STRN3: variants seen among roughly 807,000 people sequenced by gnomAD.
STRN3 encodes the protein striatin-3.
Under a neutral mutation model 95.6 loss-of-function variants are expected in STRN3, and 29 were observed. That is an observed-to-expected ratio of 0.30 (90% CI 0.23 to 0.41). The LOEUF (loss-of-function observed/expected upper bound fraction) is 0.41, where lower values mean the gene tolerates loss of function less well. Among genes scored for constraint, STRN3 ranks in the 10% least tolerant of loss-of-function variants. The probability of loss-of-function intolerance (pLI) is 1.00; values close to 1 mark genes in which losing one functional copy is unlikely to be tolerated. For synonymous variants in STRN3, 331 were observed against 357.6 expected (o/e 0.93, Z 0.84); for missense variants, 890 against 972.1 (o/e 0.92, Z 1.12).
At chr14:30,926,460 T>C (rs1302019170) in intron 8 of STRN3, among the ~76,000 whole-genome samples, 1 of 152,008 alleles carries the variant, frequency 6.6e-6, no homozygotes, top group Non-Finnish European at 1.5e-5. Context: ...TGGATGAATA[T>C]GTGCCAAATA....
chr14:30,915,133 C>CA (rs1343669599), intron 9 of STRN3, among the ~76,000 whole-genome samples: 2 of 151,882 alleles, frequency 1.3e-5, no homozygotes, highest in African/African-American at 4.8e-5. Flanking sequence ...ACACATTATA[C>CA]AAAAAATCAA....
intron 1 of STRN3, among the ~76,000 whole-genome samples, chr14:31,002,470 CAAA>C (rs59491889): frequency 8.2e-4 from 67 of 81,604 alleles, no homozygotes; most frequent in South Asian, 1.3e-3. Context: ...GACTCTGTCT[CAAA>C]AAAAAAAAAA....
chr14:30,996,177 TTTTAAGCCAC>T (rs1242814414), intron 1 of STRN3, among the ~76,000 whole-genome samples: 1 of 152,204 alleles, frequency 6.6e-6, no homozygotes, highest in Non-Finnish European at 1.5e-5. Flanking sequence ...GGGAACTCAA[TTTTAAGCCAC>T]TGGTGACAGG....
rs531222908 is a variant in STRN3, at chr14:30,984,576, G to A, written c.283-28334C>T. On this transcript the variant is annotated intron_variant, in intron 1 of 17. Coordinates refer to ENST00000357479, the MANE Select transcript of STRN3 (RefSeq NM_001083893.2). Reference sequence around the variant, plus strand: ...GCGCAGATCACGAGGTCAAGAGATCGAGAACATCCTGGCCAACAGGATGAA... The same window carrying A: ...GCGCAGATCACGAGGTCAAGAGATCAAGAACATCCTGGCCAACAGGATGAA... Among the ~76,000 whole-genome samples, 13 of 152,010 alleles carry A rather than the reference G, an allele frequency of 8.6e-5. No individual in the cohort carries two copies. In the South Asian group the frequency reaches 2.1e-3, roughly 24 times the overall value.
intron 8 of STRN3, among the ~76,000 whole-genome samples, chr14:30,926,292 A>G (rs1897025820): frequency 6.6e-6 from 1 of 152,116 alleles, no homozygotes; most frequent in South Asian, 2.1e-4. Context: ...TTAGAAACAA[A>G]TCTATAGGTT....
intron 5 of STRN3, among the ~76,000 whole-genome samples, chr14:30,938,511 T>C (rs1878937086): frequency 6.6e-6 from 1 of 152,202 alleles, no homozygotes; most frequent in African/African-American, 2.4e-5. Flanking sequence ...TTTCTGTCTC[T>C]AAAGTAAGAG....
intron 1 of STRN3, among the ~76,000 whole-genome samples, chr14:30,961,455 A>G (rs549332807): frequency 7.2e-5 from 11 of 152,370 alleles, no homozygotes; most frequent in African/African-American, 2.2e-4. Context: ...GTGAAGTTGT[A>G]GAAGTCTAGA....
At chr14:30,919,974 C>T (rs1204512084) in intron 8 of STRN3, among the ~76,000 whole-genome samples, 2 of 151,968 alleles carry the variant, frequency 1.3e-5, no homozygotes, top group East Asian at 1.9e-4. Context: ...AAAGACAATG[C>T]TTTATAATCT....
intron 1 of STRN3, among the ~76,000 whole-genome samples, chr14:31,020,256 TGGGAGGCCAA>T (rs1391517052): frequency 6.6e-6 from 1 of 151,880 alleles, no homozygotes; most frequent in Non-Finnish European, 1.5e-5. Flanking sequence ...CCTAGCACTT[TGGGAGGCCAA>T]GGCAGGCGGA....
intron 1 of STRN3, among the ~76,000 whole-genome samples, chr14:31,002,470 C>CAA (rs59491889): frequency 5.3e-4 from 43 of 81,598 alleles, no homozygotes; most frequent in African/African-American, 1.4e-3. Flanking sequence ...GACTCTGTCT[C>CAA]AAAAAAAAAA....
chr14:30,929,962 A>AAAACAAAC (rs1485609445), intron 7 of STRN3, among the ~76,000 whole-genome samples: 1 of 147,138 alleles, frequency 6.8e-6, no homozygotes, highest in Non-Finnish European at 1.5e-5. Flanking sequence ...AGCAAAAAAA[A>AAAACAAAC]AAAAAAAAAA....
intron 1 of STRN3, among the ~76,000 whole-genome samples, chr14:31,005,132 G>C (rs192111080): frequency 1.1e-4 from 16 of 152,268 alleles, no homozygotes; most frequent in African/African-American, 3.6e-4. Context: ...AGGAGTTCGA[G>C]ACCAGCCTGG....
intron 1 of STRN3, among the ~76,000 whole-genome samples, chr14:30,987,284 G>A (rs1447921346): frequency 6.6e-6 from 1 of 152,176 alleles, no homozygotes; most frequent in Non-Finnish European, 1.5e-5. Flanking sequence ...GAGGCAGGCG[G>A]ATCACAGGGT....
intron 9 of STRN3, 132 bp from the exon 10 acceptor site, chr14:30,913,789 T>A (rs893392751): frequency 1.2e-4 from 134 of 1,136,118 alleles, no homozygotes; most frequent in Non-Finnish European, 1.5e-4. Flanking sequence ...CCACTTCTAC[T>A]CAAAAAATCC....
intron 1 of STRN3, among the ~76,000 whole-genome samples, chr14:30,972,808 TTAACTTGTAATGGAGTA>T (rs1161253314): frequency 6.6e-6 from 1 of 151,434 alleles, no homozygotes; most frequent in African/African-American, 2.4e-5. Flanking sequence ...CTATCTCTAT[TTAACTTGTAATGGAGTA>T]TAACTTGTAA....
intron 15 of STRN3, 22 bp from the exon 16 acceptor site, chr14:30,902,665 TAA>T (rs1566425844): frequency 8.9e-6 from 13 of 1,467,470 alleles, no homozygotes; most frequent in Non-Finnish European, 1.1e-5. Flanking sequence ...AGGAAGACAA[TAA>T]GTTAAAATTC....
At chr14:30,921,065 TACATATACACACACACAC>T (rs1896867720) in intron 8 of STRN3, among the ~76,000 whole-genome samples, 3 of 89,252 alleles carry the variant, frequency 3.4e-5, no homozygotes, top group South Asian at 3.8e-4. Flanking sequence ...TTTCTACACA[TACATATACACACACACAC>T]ACACACACAC....
chr14:30,999,821 A>G (rs1057458564), intron 1 of STRN3, among the ~76,000 whole-genome samples: 25 of 152,364 alleles, frequency 1.6e-4, no homozygotes, highest in African/African-American at 5.0e-4. Context: ...TCAACGAATT[A>G]CAAGATAAAC....
chr14:31,009,725 CAT>C (rs1882882811), intron 1 of STRN3, among the ~76,000 whole-genome samples: 1 of 149,846 alleles, frequency 6.7e-6, no homozygotes, highest in African/African-American at 2.5e-5. Context: ...AGTGGCTAAA[CAT>C]AAACACAAAA....
Sources: allele counts gnomAD v4.1 joint callset (sites outside exome capture counted in the v4.1 genomes callset), GRCh38; gene constraint gnomAD v4.1.1; transcripts MANE v1.5; gene names NCBI Gene and HGNC (gene_info 2026-07-23, HGNC 2026-07-21).